The following FREM1 variants were observed in gnomAD, a reference collection of about 807,000 sequenced individuals.
FREM1 encodes FRAS1-related extracellular matrix protein 1.
In FREM1, 220 loss-of-function variants were observed where a neutral mutation model predicts 210.1. The observed-to-expected ratio is 1.05, with a 90% CI of 0.94 to 1.17. The LOEUF is 1.17. Among genes scored for constraint, FREM1 ranks in the 50% most tolerant of loss-of-function variants. The pLI, the probability that FREM1 is intolerant of heterozygous loss-of-function variation, is 0.00. For synonymous variants in FREM1, 1,189 were observed against 980.2 expected (o/e 1.21, Z -3.98); for missense variants, 3,454 against 2,675.5 (o/e 1.29, Z -6.42).
intron 3 of FREM1, among the ~76,000 whole-genome samples, chr9:14,862,555 A>C (rs949615183): frequency 3.9e-5 from 6 of 152,208 alleles, no homozygotes; most frequent in African/African-American, 1.4e-4. Context: ...TATACAACTC[A>C]GAGTTTTTTA....
rs1259291939 is a variant in FREM1, at chr9:14,775,969, C to G, written c.4677G>C (p.Gly1559=). 8.1e-6 allele frequency: 13 copies of G among 1,613,842 alleles called. No individual in the cohort carries two copies. In the Admixed American group the frequency reaches 1.2e-4, roughly 14 times the overall value. The change falls in exon 25 of 37, where the codon GGG becomes GGC. Residue 1559 remains glycine, a synonymous_variant. Coordinates refer to ENST00000380880, the MANE Select transcript of FREM1 (RefSeq NM_001379081.2). ...LPQHGQLYLW[G]TGLLQHNFTQ... ...TGAAATTGTGTTGAAGTAGCCCTGT[C>G]CCCCACAGGTAGAGCTGGCCATGCT... is the stretch of plus-strand genomic sequence containing the variant.
At chr9:14,887,902 A>T (rs985679700) in intron 1 of FREM1, among the ~76,000 whole-genome samples, 4 of 152,164 alleles carry the variant, frequency 2.6e-5, no homozygotes, top group Admixed American at 2.6e-4. Flanking sequence ...GATTTAAGGG[A>T]TCCTCCTGTC....
At position 14,806,666 on chromosome 9, in the gene FREM1, C is replaced by T; in HGVS notation, c.3269G>A (p.Ser1090Asn). Reference sequence around the variant, plus strand: ...GTGACGAAGCTACAGCTTACCTATACTTATGCCAATATTGCTTTTTTCAAA... The same window carrying T: ...GTGACGAAGCTACAGCTTACCTATATTTATGCCAATATTGCTTTTTTCAAA... Reference protein sequence around the residue: ...VGFEKSNIGISIDSFQWKDMN... With the variant: ...VGFEKSNIGINIDSFQWKDMN... Residue 1090 changes from serine (S) to asparagine (N), a missense_variant, in exon 18 of 37, where the codon AGT becomes AAT. Coordinates refer to ENST00000380880, the MANE Select transcript of FREM1 (RefSeq NM_001379081.2). 1 of 1,574,890 alleles carries T rather than the reference C, an allele frequency of 6.3e-7. No individual in the cohort carries two copies. The highest frequency in any genetic ancestry group is 2.3e-5 in the East Asian group (1 of 44,414).
At chr9:14,799,948 TC>T (rs1157582575) in intron 20 of FREM1, among the ~76,000 whole-genome samples, 1 of 63,356 alleles carries the variant, frequency 1.6e-5, no homozygotes, top group African/African-American at 6.4e-5. Flanking sequence ...CCCTCCCCCC[TC>T]CCCCCACCCC....
At chr9:14,860,698 CAT>C (rs1328419379) in intron 3 of FREM1, among the ~76,000 whole-genome samples, 8 of 93,062 alleles carry the variant, frequency 8.6e-5, no homozygotes, top group African/African-American at 3.8e-4. Context: ...TATATACACA[CAT>C]ATATACACAC....
At position 14,841,603 on chromosome 9, in the gene FREM1, A is replaced by G. The variant is rs1393531565; in HGVS notation, c.1739-14T>C. ...GGACAGGATAGCCTATTGGGTCCAT[A>G]AAACACCACATACTTTTGTACAAGC... is the stretch of plus-strand genomic sequence containing the variant. On this transcript the variant is annotated splice_polypyrimidine_tract_variant and intron_variant, in intron 9 of 36. Transcript: ENST00000380880. 2 of 1,562,612 alleles carry G rather than the reference A, an allele frequency of 1.3e-6. No homozygotes were observed. Among genetic ancestry groups the G allele is most frequent in the Non-Finnish European group, 1.7e-6 (2 of 1,148,568 alleles).
At chr9:14,770,903 G>C (rs1169536210) in intron 25 of FREM1, 97 bp from the exon 26 acceptor site, 16 of 823,528 alleles carry the variant, frequency 1.9e-5, no homozygotes, top group African/African-American at 3.4e-5. Flanking sequence ...ACTGTCCCAC[G>C]TTTTGGATTC....
Position 14,851,275 on chromosome 9 carries a change from C to T in FREM1, c.1152+9G>A. The stretch of plus-strand genomic sequence containing the variant: ...TAACTAGGCTGGAAGCTTTGTCTCT[C>T]CTTCTTACCTCATCATGTCTCCTCT... On this transcript the variant is annotated intron_variant, in intron 6 of 36. Transcript: ENST00000380880. 6.4e-7 allele frequency: 1 copy of T among 1,566,026 alleles called. No individual in the cohort carries two copies. Among genetic ancestry groups the T allele is most frequent in the Non-Finnish European group, 8.7e-7 (1 of 1,155,178 alleles).
intron 25 of FREM1, 60 bp downstream of exon 25, chr9:14,775,729 A>T: frequency 1.1e-6 from 1 of 910,956 alleles, no homozygotes; most frequent in Non-Finnish European, 1.6e-6. Context: ...AAAAAAAAAA[A>T]AATTCTCGAT....
chr9:14,863,471 T>C (rs1272346503), intron 3 of FREM1, among the ~76,000 whole-genome samples: 2 of 152,198 alleles, frequency 1.3e-5, no homozygotes, highest in Non-Finnish European at 2.9e-5. Context: ...ATTTTCTCCC[T>C]GATTTTCATT....
At chr9:14,743,462 T>G (rs1841906428) in intron 35 of FREM1, among the ~76,000 whole-genome samples, 1 of 152,098 alleles carries the variant, frequency 6.6e-6, no homozygotes, top group South Asian at 2.1e-4. Context: ...GCTAGACTAT[T>G]ATAATCTCGT....
intron 2 of FREM1, among the ~76,000 whole-genome samples, chr9:14,867,841 T>G (rs962001575): frequency 1.3e-5 from 2 of 152,172 alleles, no homozygotes; most frequent in African/African-American, 4.8e-5. Flanking sequence ...GAACAAGTAA[T>G]AAAATCAGAA....
At chr9:14,884,175 G>A (rs1372955970) in intron 1 of FREM1, among the ~76,000 whole-genome samples, 1 of 152,142 alleles carries the variant, frequency 6.6e-6, no homozygotes, top group East Asian at 1.9e-4. Context: ...GTTGCAGTGA[G>A]CCAAGATCGC....
Position 14,737,541 on chromosome 9 carries a change from A to G in FREM1, c.6395T>C (p.Val2132Ala). 1 of 1,609,886 alleles carries G rather than the reference A, an allele frequency of 6.2e-7. No individual in the cohort carries two copies. The highest frequency in any genetic ancestry group is 8.5e-7 in the Non-Finnish European group (1 of 1,177,766). The stretch of plus-strand genomic sequence containing the variant: ...CCCTCTTCTCCCATTGGTGAAGGCA[A>G]CAGGTTCACCACCGATCCACTCCCA... ...GHWEWIGGEP[V>A]AFTNGRRGPS... The change falls in exon 37 of 37, where the codon GTT becomes GCT. Residue 2132 changes from valine to alanine, a missense_variant. Val to Ala is a moderately conservative substitution (Grantham distance 64). Coordinates refer to ENST00000380880, the MANE Select transcript of FREM1 (RefSeq NM_001379081.2).
chr9:14,907,393 A>G (rs925115879), intron 1 of FREM1, among the ~76,000 whole-genome samples: 2 of 152,174 alleles, frequency 1.3e-5, no homozygotes, highest in African/African-American at 4.8e-5. Context: ...GGCCCCTCAA[A>G]GATGTCTGTT....
At chr9:14,750,752 C>T (rs918581565) in intron 29 of FREM1, among the ~76,000 whole-genome samples, 3 of 152,196 alleles carry the variant, frequency 2.0e-5, no homozygotes, top group African/African-American at 7.2e-5. Context: ...CAGCTGCCTG[C>T]ATCGGCTTCC....
chr9:14,826,260 T>G (rs543877390), intron 10 of FREM1, among the ~76,000 whole-genome samples: 1 of 152,190 alleles, frequency 6.6e-6, no homozygotes, highest in East Asian at 1.9e-4. Flanking sequence ...CCCAGCTAAT[T>G]TTTGTATTTT....
At chr9:14,876,527 C>T (rs1224679851) in intron 1 of FREM1, among the ~76,000 whole-genome samples, 5 of 152,000 alleles carry the variant, frequency 3.3e-5, no homozygotes, top group African/African-American at 7.3e-5. Flanking sequence ...TTAAGCCCGT[C>T]GGAAAAGCAC....
chr9:14,746,610 C>A, intron 34 of FREM1, 142 bp from the exon 35 acceptor site: 1 of 662,182 alleles, frequency 1.5e-6, no homozygotes, highest in Non-Finnish European at 2.6e-6. Flanking sequence ...CCCAATTCTC[C>A]ATCTTGAGAA....
Sources: gnomAD v4.1 joint callset for allele counts (sites outside exome capture counted in the v4.1 genomes callset) on GRCh38, gnomAD v4.1.1 for gene constraint, MANE v1.5 for transcripts, NCBI Gene and HGNC (gene_info 2026-07-23, HGNC 2026-07-21) for gene names.